Variants in RFT1 observed in about 807,000 individuals in gnomAD.
RFT1 encodes the protein RFT1 glycolipid translocator homolog, also known as man(5)GlcNAc(2)-PP-dolichol translocation protein RFT1.
In RFT1, 43 loss-of-function variants were observed where a neutral mutation model predicts 62.2. The observed-to-expected ratio is 0.69, with a 90% CI of 0.54 to 0.89. The LOEUF (loss-of-function observed/expected upper bound fraction) is 0.89. Ranked by LOEUF, RFT1 falls within the 40% of genes least tolerant of loss-of-function variation. The pLI, the probability that RFT1 is intolerant of heterozygous loss-of-function variation, is 0.00. For missense variants in RFT1, 605 were observed against 649.9 expected (o/e 0.93, Z 0.75); for synonymous variants, 262 against 264.6 (o/e 0.99, Z 0.10).
the RFT1 span, among the ~76,000 whole-genome samples, chr3:53,067,880 C>T: frequency 2.0e-5 from 3 of 152,226 alleles, no homozygotes; most frequent in Non-Finnish European, 2.9e-5. Context: ...TGGCAGTTTA[C>T]AGCAGGGCGA....
chr3:53,092,528 C>T lies in RFT1; in HGVS notation c.1299G>A (p.Leu433=). The change falls in exon 12 of 13, where the codon TTG becomes TTA. Residue 433 remains leucine, a synonymous_variant. Coordinates refer to ENST00000296292, the MANE Select transcript of RFT1 (RefSeq NM_052859.4). ...TRWCGSVGFI[L]ANCFNMGIRI... is the part of the protein sequence containing the mutation. ...GAATGCCCATGTTAAAGCAGTTGGC[C>T]AAGATGAAGCCCACGCTGCCACACC... is the stretch of plus-strand genomic sequence containing the variant. 6.2e-7 allele frequency: 1 copy of T among 1,612,428 alleles called. No homozygotes were observed. Among genetic ancestry groups the T allele is most frequent in the South Asian group, 1.1e-5 (1 of 90,398 alleles).
At chr3:53,104,751 C>T (rs1701417413) in intron 9 of RFT1, among the ~76,000 whole-genome samples, 1 of 152,180 alleles carries the variant, frequency 6.6e-6, no homozygotes, top group South Asian at 2.1e-4. Context: ...AACTAGCTTG[C>T]TATTCTAAGA....
chr3:53,100,296 G>A (rs1553653116), intron 10 of RFT1, among the ~76,000 whole-genome samples: 1 of 152,184 alleles, frequency 6.6e-6, no homozygotes, highest in Non-Finnish European at 1.5e-5. Flanking sequence ...TAGCTAACAA[G>A]CTTCGGAAAA....
intron 6 of RFT1, among the ~76,000 whole-genome samples, chr3:53,113,588 A>T (rs1701711918): frequency 6.6e-6 from 1 of 152,258 alleles, no homozygotes; most frequent in South Asian, 2.1e-4. Flanking sequence ...ATGTAATGTT[A>T]AATTTTCTAG....
rs1271059666 is a variant in RFT1, at chr3:53,092,558, G to C, written c.1269C>G (p.Thr423=). ...TGAAGCCCACGCTGCCACACCAACG[G>C]GTCAAGAGATAGGATAACACCAGGA... The part of the protein sequence containing the change: ...SSFLVLSYLL[T]RWCGSVGFIL... Residue 423 remains threonine, a synonymous_variant, in exon 12 of 13, where the codon ACC becomes ACG. Transcript: ENST00000296292. The C allele has an allele frequency of 6.8e-6, 11 of 1,612,646 alleles. No individual in the cohort carries two copies. The highest frequency in any genetic ancestry group is 9.3e-6 in the Non-Finnish European group (11 of 1,179,546).
At chr3:53,108,373 G>A (rs868485013) in intron 7 of RFT1, among the ~76,000 whole-genome samples, 1 of 146,950 alleles carries the variant, frequency 6.8e-6, no homozygotes, top group Admixed American at 7.0e-5. Flanking sequence ...TCTTAAATCA[G>A]TCTCTGCTTT....
At chr3:53,115,587 G>A (rs1054660392) in intron 6 of RFT1, among the ~76,000 whole-genome samples, 1 of 152,026 alleles carries the variant, frequency 6.6e-6, no homozygotes, top group African/African-American at 2.4e-5. Context: ...GCCAACCTAA[G>A]TACCCCAGTC....
chr3:53,092,221 C>T lies in RFT1; in HGVS notation c.1458+148G>A, dbSNP rs1701011073. 9 of 1,415,370 alleles carry T rather than the reference C, an allele frequency of 6.4e-6. No individual in the cohort carries two copies. The South Asian group carries it at 1.1e-4, about 18-fold the overall frequency. The allele number at this position is 1,415,370 out of a possible 1,614,324, so 87.7% of individuals were successfully genotyped here. On this transcript the variant is annotated intron_variant, in intron 12 of 12. Coordinates refer to ENST00000296292, the MANE Select transcript of RFT1 (RefSeq NM_052859.4). ...AGGTCCATTGTTTCCCCATTGGCAACATTCTCTTGTCACATTATCAGAAGA... is the reference window on the plus strand; with the variant it reads ...AGGTCCATTGTTTCCCCATTGGCAATATTCTCTTGTCACATTATCAGAAGA...
chr3:53,092,569 A>G lies in RFT1; in HGVS notation c.1258T>C (p.Tyr420His), dbSNP rs761473703. The change falls in exon 12 of 13, where the codon TAT becomes CAT. Residue 420 changes from tyrosine to histidine, a missense_variant. Transcript: ENST00000296292. ...ALSSSFLVLS[Y>H]LLTRWCGSVG... ...CTGCCACACCAACGGGTCAAGAGATAGGATAACACCAGGAATGAGGAGGAC... is the reference window on the plus strand; with the variant it reads ...CTGCCACACCAACGGGTCAAGAGATGGGATAACACCAGGAATGAGGAGGAC... 1 of 1,612,744 alleles carries G rather than the reference A, an allele frequency of 6.2e-7. No individual in the cohort carries two copies. Among genetic ancestry groups the G allele is most frequent in the Non-Finnish European group, 8.5e-7 (1 of 1,179,582 alleles).
intron 11 of RFT1, among the ~76,000 whole-genome samples, chr3:53,098,674 C>T (rs570871070): frequency 6.6e-5 from 10 of 151,996 alleles, no homozygotes; most frequent in South Asian, 2.1e-4. Flanking sequence ...TGGTGGCACG[C>T]GCCTGTAGTC....
chr3:53,120,845 C>T (rs993992602), intron 5 of RFT1, among the ~76,000 whole-genome samples: 1 of 152,196 alleles, frequency 6.6e-6, no homozygotes, highest in Non-Finnish European at 1.5e-5. Context: ...GTGTGGGCCC[C>T]TCTGCTCTCC....
chr3:53,080,339 C>G, the RFT1 span, among the ~76,000 whole-genome samples: 1 of 152,200 alleles, frequency 6.6e-6, no homozygotes, highest in Non-Finnish European at 1.5e-5. Context: ...GCTAAGGACA[C>G]CTCAAATCCA....
chr3:53,099,352 A>G (rs776756890), intron 11 of RFT1, 29 bp downstream of exon 11: 92 of 1,558,898 alleles, frequency 5.9e-5, no homozygotes, highest in Non-Finnish European at 7.4e-5. Context: ...GAAGGCCATG[A>G]TTAAAGGTGT....
the RFT1 span, among the ~76,000 whole-genome samples, chr3:53,075,700 A>G: frequency 2.6e-5 from 4 of 152,088 alleles, no homozygotes; most frequent in African/African-American, 9.7e-5. Flanking sequence ...GGCCCCCAGC[A>G]TCATCTTAAC....
At chr3:53,105,602 C>T in intron 9 of RFT1, 71 bp downstream of exon 9, 1 of 1,530,834 alleles carries the variant, frequency 6.5e-7, no homozygotes. Flanking sequence ...AAACAGACTG[C>T]TTCACACTCC....
In RFT1 at chr3:53,099,494, G is replaced by T. The variant is rs1701250241; in HGVS notation, c.1103-8C>A. ...AACGCAGCAAAACAGGACCTACAAG[G>T]AAACAACTCACTGAGACTCCAGAGC... On this transcript the variant is annotated splice_polypyrimidine_tract_variant and splice_region_variant and intron_variant, in intron 10 of 12. Transcript: ENST00000296292. The T allele has an allele frequency of 6.2e-7, 1 of 1,611,418 alleles. No homozygotes were observed. Among genetic ancestry groups the T allele is most frequent in the Non-Finnish European group, 8.5e-7 (1 of 1,177,746 alleles).
Position 53,092,386 on chromosome 3 carries a change from C to A in RFT1, c.1441G>T (p.Val481Phe). 2.5e-6 allele frequency: 4 copies of A among 1,603,050 alleles called. No individual in the cohort carries two copies. The highest frequency in any genetic ancestry group is 3.4e-6 in the Non-Finnish European group (4 of 1,175,360). ...LLGTFALSGGVTAVSEVFLCC... is the reference protein window; with the variant it reads ...LLGTFALSGGFTAVSEVFLCC... ...AGTCTCACCTCCGAAACAGCAGTAA[C>A]CCCACCACTGAGGGCAAATGTCCCG... The change falls in exon 12 of 13, where the codon GTT (valine) becomes TTT (phenylalanine). Residue 481 changes from valine to phenylalanine, a missense_variant. Physicochemically the swap from Val to Phe is conservative, Grantham distance 50. Coordinates refer to ENST00000296292, the MANE Select transcript of RFT1 (RefSeq NM_052859.4).
chr3:53,093,801 G>A (rs1179482233), intron 11 of RFT1, among the ~76,000 whole-genome samples: 1 of 152,134 alleles, frequency 6.6e-6, no homozygotes, highest in East Asian at 1.9e-4. Context: ...CGGGAGGATC[G>A]CTTGAGCCTA....
the RFT1 span, among the ~76,000 whole-genome samples, chr3:53,082,075 C>T: frequency 6.6e-6 from 1 of 152,014 alleles, no homozygotes; most frequent in African/African-American, 2.4e-5. Context: ...TCCTGAGTAG[C>T]TGGGACCACA....
Sources: allele counts gnomAD v4.1 joint callset (sites outside exome capture counted in the v4.1 genomes callset), GRCh38; gene constraint gnomAD v4.1.1; transcripts MANE v1.5; gene names NCBI Gene and HGNC (gene_info 2026-07-23, HGNC 2026-07-21).